The following RSRC1 variants were observed in gnomAD, a reference collection of about 807,000 sequenced individuals.
RSRC1 encodes arginine and serine rich coiled-coil 1.
In RSRC1, 39 loss-of-function variants were observed where a neutral mutation model predicts 49.1. The ratio of observed to expected loss-of-function variants is 0.79; its 90% CI spans 0.61 to 1.04. The LOEUF (loss-of-function observed/expected upper bound fraction) is 1.04, where lower values mean the gene tolerates loss of function less well. RSRC1 is among the 50% of genes least tolerant of loss of function. The pLI, the probability that RSRC1 is intolerant of heterozygous loss-of-function variation, is 0.00. For missense variants in RSRC1, 388 were observed against 402.4 expected, an observed-to-expected ratio of 0.96 and a Z score of 0.31; for synonymous variants, 143 against 130.8, an observed-to-expected ratio of 1.09 and a Z score of -0.63.
In RSRC1 at chr3:158,487,394, G is replaced by A. The variant is rs369590224; in HGVS notation, c.652+26391G>A. On this transcript the variant is annotated intron_variant, in intron 7 of 9. Transcript: ENST00000611884. ...CCATGACACACTTTTTATTTTTCAC[G>A]TGTTTTAACATCTCTGAAATCAAGA... Among the ~76,000 whole-genome samples, 60 of 152,056 alleles carry A rather than the reference G, an allele frequency of 3.9e-4. No homozygotes were observed. In the South Asian group the frequency reaches 0.012, roughly 29 times the overall value.
chr3:158,390,287 T>A (rs1305147998), intron 6 of RSRC1, among the ~76,000 whole-genome samples: 1 of 152,142 alleles, frequency 6.6e-6, no homozygotes, highest in Non-Finnish European at 1.5e-5. Context: ...TCCAGGAAAG[T>A]GGAGCCTGGC....
chr3:158,129,288 CTTTTTTTT>C (rs71144439), intron 3 of RSRC1, among the ~76,000 whole-genome samples: 1 of 71,078 alleles, frequency 1.4e-5, no homozygotes, highest in Non-Finnish European at 2.5e-5. Context: ...TTCTTTCTTT[CTTTTTTTT>C]TTTTTTTTTT....
intron 6 of RSRC1, among the ~76,000 whole-genome samples, chr3:158,412,298 T>C (rs767699410): frequency 6.6e-6 from 1 of 152,146 alleles, no homozygotes; most frequent in East Asian, 1.9e-4. Context: ...TTGATTCTTA[T>C]GTGATAATTC....
At chr3:158,381,467 C>T (rs1453636773) in intron 6 of RSRC1, among the ~76,000 whole-genome samples, 1 of 152,092 alleles carries the variant, frequency 6.6e-6, no homozygotes, top group East Asian at 1.9e-4. Context: ...ATTGCAATAC[C>T]ACAAGGCCAT....
In RSRC1 at chr3:158,270,648, C is replaced by T. The variant is rs143545608; in HGVS notation, c.495-27391C>T. 2.6e-5 allele frequency among the ~76,000 whole-genome samples: 4 copies of T among 152,214 alleles called. No homozygotes were observed. The East Asian group carries it at 7.7e-4, about 29-fold the overall frequency. ...TAACATTATTGTCATTTTATAATAT[C>T]ATGCAAGCTTTTTAGAAATTTAATA... is the stretch of plus-strand genomic sequence containing the variant. On this transcript the variant is annotated intron_variant, in intron 4 of 9. Transcript: ENST00000611884.
chr3:158,351,353 C>T (rs1045453607), intron 5 of RSRC1, among the ~76,000 whole-genome samples: 17 of 152,022 alleles, frequency 1.1e-4, no homozygotes, highest in African/African-American at 3.4e-4. Context: ...TGCAGATGGG[C>T]AAAAAGTGAG....
At chr3:158,458,428 G>A (rs1362795680) in intron 6 of RSRC1, among the ~76,000 whole-genome samples, 1 of 151,898 alleles carries the variant, frequency 6.6e-6, no homozygotes, top group Non-Finnish European at 1.5e-5. Flanking sequence ...ACTAAAAATG[G>A]CAAAAACCGC....
At chr3:158,219,745 C>A (rs903484162) in intron 4 of RSRC1, among the ~76,000 whole-genome samples, 26 of 151,400 alleles carry the variant, frequency 1.7e-4, no homozygotes, top group Non-Finnish European at 2.8e-4. Flanking sequence ...AATGATGAAG[C>A]CTTAATAAAG....
At chr3:158,393,898 A>T (rs1213014565) in intron 6 of RSRC1, among the ~76,000 whole-genome samples, 1 of 152,150 alleles carries the variant, frequency 6.6e-6, no homozygotes, top group Non-Finnish European at 1.5e-5. Context: ...TAGAATCAAA[A>T]ATCCTCAACA....
intron 7 of RSRC1, among the ~76,000 whole-genome samples, chr3:158,487,649 A>G (rs1160281187): frequency 6.6e-6 from 1 of 152,038 alleles, no homozygotes; most frequent in Non-Finnish European, 1.5e-5. Context: ...TGAAGTCAAA[A>G]AAGTGCCTGA....
intron 1 of RSRC1, among the ~76,000 whole-genome samples, chr3:158,120,389 A>C (rs1390992532): frequency 2.6e-5 from 4 of 151,880 alleles, no homozygotes; most frequent in Non-Finnish European, 5.9e-5. Context: ...GATTTTTTCA[A>C]CTGGTATTGT....
At chr3:158,133,051 A>G (rs1395783200) in intron 3 of RSRC1, among the ~76,000 whole-genome samples, 1 of 152,176 alleles carries the variant, frequency 6.6e-6, no homozygotes, top group Non-Finnish European at 1.5e-5. Flanking sequence ...GAAAATATGA[A>G]TGTTACATTT....
At position 158,112,624 on chromosome 3, in the gene RSRC1, C is replaced by T. The variant is rs899692322; in HGVS notation, c.-3+2401C>T. ...TTGAAATATTTATAGTTTTGTCACA[C>T]TGGTTTTTCAAACTTTTCTTGGTTT... is the stretch of plus-strand genomic sequence containing the variant. On this transcript the variant is annotated intron_variant, in intron 1 of 9. Coordinates refer to ENST00000611884, the MANE Select transcript of RSRC1 (RefSeq NM_001271838.2). Among the ~76,000 whole-genome samples the T allele has an allele frequency of 3.9e-5, 6 of 152,108 alleles. No homozygotes were observed. The East Asian group carries it at 7.7e-4, about 20-fold the overall frequency.
At chr3:158,204,593 A>T (rs1721247543) in intron 4 of RSRC1, among the ~76,000 whole-genome samples, 1 of 152,204 alleles carries the variant, frequency 6.6e-6, no homozygotes, top group Non-Finnish European at 1.5e-5. Context: ...GTAACGGGAG[A>T]AAGTCAGTAG....
Position 158,416,328 on chromosome 3 carries a change from T to A in RSRC1, c.584-44607T>A, listed in dbSNP as rs931053316. 2.0e-5 allele frequency among the ~76,000 whole-genome samples: 3 copies of A among 152,078 alleles called. No homozygotes were observed. The East Asian group carries it at 5.8e-4, about 29-fold the overall frequency. The stretch of plus-strand genomic sequence containing the variant: ...TGGGCCTGTGTCCCCTTCCTTTGAA[T>A]CTGGCTTTGTGACTACTTGACCATT... On this transcript the variant is annotated intron_variant, in intron 6 of 9. Coordinates refer to ENST00000611884, the MANE Select transcript of RSRC1 (RefSeq NM_001271838.2).
Position 158,537,125 on chromosome 3 carries a change from T to C in RSRC1, c.686T>C (p.Val229Ala). 1 of 1,607,280 alleles carries C rather than the reference T, an allele frequency of 6.2e-7. No homozygotes were observed. The highest frequency in any genetic ancestry group is 8.5e-7 in the Non-Finnish European group (1 of 1,176,316). The change falls in exon 8 of 10, where the codon GTA becomes GCA. Residue 229 changes from valine (V) to alanine (A), a missense_variant. Physicochemically the swap from Val to Ala is moderately conservative, Grantham distance 64 (BLOSUM62 0). Transcript: ENST00000611884. ...QATLVEQVKR[V>A]KEIEAIESDS... Reference sequence around the variant, plus strand: ...ACCCTGGTAGAACAAGTAAAAAGAGTAAAAGAAATTGAAGCTATTGAAAGT... The same window carrying C: ...ACCCTGGTAGAACAAGTAAAAAGAGCAAAAGAAATTGAAGCTATTGAAAGT...
chr3:158,463,940 T>C (rs1737747736), intron 7 of RSRC1, among the ~76,000 whole-genome samples: 1 of 152,142 alleles, frequency 6.6e-6, no homozygotes, highest in South Asian at 2.1e-4. Context: ...ACTAATTCTT[T>C]CCACTTTAGT....
intron 7 of RSRC1, among the ~76,000 whole-genome samples, chr3:158,536,067 T>A (rs1353853868): frequency 6.6e-6 from 1 of 151,394 alleles, no homozygotes; most frequent in African/African-American, 2.4e-5. Context: ...GAGAACTTTC[T>A]AAGGGGTCAG....
At chr3:158,541,743 GT>G (rs200251538) in intron 8 of RSRC1, among the ~76,000 whole-genome samples, 7 of 150,982 alleles carry the variant, frequency 4.6e-5, no homozygotes, top group South Asian at 2.1e-4. Flanking sequence ...TATTCATCTT[GT>G]TTTTTTTTAA....
Sources: gnomAD v4.1 joint callset for allele counts (sites outside exome capture counted in the v4.1 genomes callset) on GRCh38, gnomAD v4.1.1 for gene constraint, MANE v1.5 for transcripts, NCBI Gene and HGNC (gene_info 2026-07-23, HGNC 2026-07-21) for gene names.